Variants in FHAD1 observed in about 807,000 individuals in gnomAD.
FHAD1 encodes the protein forkhead associated phosphopeptide binding domain 1, also known as forkhead-associated domain-containing protein 1.
A neutral mutation model predicts 191.3 loss-of-function variants in FHAD1; 146 were observed. The observed-to-expected ratio is 0.76, with a 90% CI of 0.67 to 0.88. The LOEUF is 0.88. Among genes scored for constraint, FHAD1 ranks in the 40% least tolerant of loss-of-function variants. The pLI is 0.00. For missense variants in FHAD1, 1,635 were observed against 1,785.8 expected, an observed-to-expected ratio of 0.92 and a Z score of 1.52; for synonymous variants, 616 against 672.3, an observed-to-expected ratio of 0.92 and a Z score of 1.29.
At chr1:15,355,296 G>A (rs572079932) in intron 20 of FHAD1, among the ~76,000 whole-genome samples, 1 of 152,092 alleles carries the variant, frequency 6.6e-6, no homozygotes, top group African/African-American at 2.4e-5. Context: ...ACAGGACCCA[G>A]CCCAGGAATT....
chr1:15,369,404 A>G lies in FHAD1; in HGVS notation c.3349A>G (p.Thr1117Ala), dbSNP rs562002435. 3 of 1,551,994 alleles carry G rather than the reference A, an allele frequency of 1.9e-6. No homozygotes were observed. In the South Asian group the frequency reaches 3.6e-5, roughly 18 times the overall value. Reference sequence around the variant, plus strand: ...AGAGAAACACAGACTCCAGCTGAACACAGAGAAGGAACAGAAGCCCCGGAA... The same window carrying G: ...AGAGAAACACAGACTCCAGCTGAACGCAGAGAAGGAACAGAAGCCCCGGAA... ...SQEKHRLQLN[T>A]EKEQKPRKKT... Residue 1117 changes from threonine (T) to alanine (A), a missense_variant, in exon 26 of 34, where the codon ACA (threonine) becomes GCA (alanine). Thr to Ala is a moderately conservative substitution (Grantham distance 58, BLOSUM62 0). Transcript: ENST00000688493.
At chr1:15,345,230 T>C in intron 17 of FHAD1, 40 bp downstream of exon 17, 1 of 1,506,126 alleles carries the variant, frequency 6.6e-7, no homozygotes, top group African/African-American at 1.4e-5. Flanking sequence ...CGAGCCCCAC[T>C]GCAGCTAGGA....
At chr1:15,359,461 T>C (rs532060301) in intron 21 of FHAD1, among the ~76,000 whole-genome samples, 3 of 151,934 alleles carry the variant, frequency 2.0e-5, no homozygotes, top group Non-Finnish European at 4.4e-5. Flanking sequence ...GGTGCTGGGA[T>C]GGAAACGCCA....
intron 2 of FHAD1, among the ~76,000 whole-genome samples, chr1:15,257,580 C>CTG: frequency 6.6e-6 from 1 of 152,314 alleles, no homozygotes; most frequent in East Asian, 1.9e-4. Context: ...ACCAGGCGTC[C>CTG]TGCGCTCTGT....
chr1:15,304,841 C>G (rs778420220), intron 6 of FHAD1, among the ~76,000 whole-genome samples: 21 of 152,066 alleles, frequency 1.4e-4, no homozygotes, highest in Non-Finnish European at 2.5e-4. Flanking sequence ...CTTGATCCTT[C>G]TGTTAATTCT....
At chr1:15,348,852 C>T (rs1463738932) in intron 18 of FHAD1, among the ~76,000 whole-genome samples, 190 bp from the exon 19 acceptor site, 1 of 152,190 alleles carries the variant, frequency 6.6e-6, no homozygotes, top group East Asian at 1.9e-4. Context: ...TAAAATGGGC[C>T]ACTCTCAGCA....
At position 15,316,468 on chromosome 1, in the gene FHAD1, G is replaced by A. The variant is rs201462752; in HGVS notation, c.1260+1G>A. ...GAAAGAGTTAAAACTCTGCAAAACCGTGAGTTGAGCTTCCTCCTTTGTAGG... is the reference window on the plus strand; with the variant it reads ...GAAAGAGTTAAAACTCTGCAAAACCATGAGTTGAGCTTCCTCCTTTGTAGG... On this transcript the variant is annotated splice_donor_variant, in intron 9 of 33. Transcript: ENST00000688493. LOFTEE classifies it high-confidence loss of function. The surrounding 1 kb of genome is among the most constrained non-coding windows in gnomAD (Gnocchi z 4.3). 5,400 of 1,551,510 alleles carry A rather than the reference G, an allele frequency of 3.5e-3. 26 individuals are homozygous for A. The highest frequency in any genetic ancestry group is 0.025 in the Middle Eastern group (152 of 5,986).
intron 10 of FHAD1, among the ~76,000 whole-genome samples, chr1:15,319,624 C>A (rs776651039): frequency 2.6e-5 from 4 of 151,926 alleles, no homozygotes; most frequent in African/African-American, 9.7e-5. Flanking sequence ...TTAAAAAAAT[C>A]AAATATTCTT....
intron 22 of FHAD1, 81 bp downstream of exon 22, chr1:15,360,784 C>T (rs1337022638): frequency 1.3e-5 from 15 of 1,193,972 alleles, no homozygotes; most frequent in Non-Finnish European, 4.8e-6. Context: ...AGGCTGATGG[C>T]TAAGAAAAAG....
intron 2 of FHAD1, among the ~76,000 whole-genome samples, chr1:15,269,799 T>G (rs1655111894): frequency 6.6e-6 from 1 of 152,240 alleles, no homozygotes; most frequent in African/African-American, 2.4e-5. Flanking sequence ...TGTTTTTCTT[T>G]GCAGTTCTGT....
chr1:15,279,416 G>T (rs1307239264), intron 3 of FHAD1, among the ~76,000 whole-genome samples: 3 of 151,728 alleles, frequency 2.0e-5, no homozygotes, highest in African/African-American at 7.3e-5. Context: ...GGTGCTCAAG[G>T]GATGCTCAGG....
At chr1:15,374,035 G>A (rs1570404362) in intron 26 of FHAD1, among the ~76,000 whole-genome samples, 2 of 152,158 alleles carry the variant, frequency 1.3e-5, no homozygotes, top group African/African-American at 2.4e-5. Flanking sequence ...TCAGAGGAAG[G>A]TTTTCATTTC....
Position 15,327,115 on chromosome 1 carries a change from C to T in FHAD1, c.1530C>T (p.Phe510=), listed in dbSNP as rs1256302749. Reference sequence around the variant, plus strand: ...CCACCTATGGACGGGCGAAGCCGTTCCGGGACAAGCCCGTCACCGACCAAC... The same window carrying T: ...CCACCTATGGACGGGCGAAGCCGTTTCGGGACAAGCCCGTCACCGACCAAC... The part of the protein sequence containing the change: ...IKATYGRAKP[F]RDKPVTDQQL... Residue 510 remains phenylalanine, a synonymous_variant, in exon 12 of 34, where the codon TTC becomes TTT. Coordinates refer to ENST00000688493, the MANE Select transcript of FHAD1 (RefSeq NM_001391957.1). The surrounding 1 kb of genome is among the most constrained non-coding windows in gnomAD (Gnocchi z 5.1). The T allele has an allele frequency of 3.2e-6, 5 of 1,551,252 alleles. No individual in the cohort carries two copies. In the African/African-American group the frequency reaches 4.1e-5, roughly 13 times the overall value.
intron 31 of FHAD1, among the ~76,000 whole-genome samples, chr1:15,386,525 G>A (rs1395899732): frequency 2.0e-5 from 3 of 152,226 alleles, no homozygotes; most frequent in East Asian, 1.9e-4. Context: ...CCCGTTCTTC[G>A]GCCTTTGTTA....
chr1:15,239,954 C>A (rs1645170205), intron 1 of FHAD1, among the ~76,000 whole-genome samples: 1 of 152,204 alleles, frequency 6.6e-6, no homozygotes, highest in African/African-American at 2.4e-5. Context: ...GACATGTGCA[C>A]ATATGCATAC....
intron 2 of FHAD1, among the ~76,000 whole-genome samples, chr1:15,270,257 G>A (rs2101178385): frequency 6.6e-6 from 1 of 152,188 alleles, no homozygotes; most frequent in African/African-American, 2.4e-5. Flanking sequence ...AAACTGCCTT[G>A]GCCGCAGTTA....
chr1:15,368,106 G>C (rs1168716587), intron 25 of FHAD1, among the ~76,000 whole-genome samples: 1 of 152,042 alleles, frequency 6.6e-6, no homozygotes, highest in East Asian at 1.9e-4. Flanking sequence ...GGAGTCGCTG[G>C]GACTACAGGC....
intron 26 of FHAD1, among the ~76,000 whole-genome samples, chr1:15,374,035 G>T (rs1570404362): frequency 6.6e-6 from 1 of 152,158 alleles, no homozygotes; most frequent in Non-Finnish European, 1.5e-5. Context: ...TCAGAGGAAG[G>T]TTTTCATTTC....
At chr1:15,319,727 A>G (rs1402943239) in intron 10 of FHAD1, among the ~76,000 whole-genome samples, 1 of 152,252 alleles carries the variant, frequency 6.6e-6, no homozygotes, top group African/African-American at 2.4e-5. Context: ...CAGACCTGTG[A>G]TTGGTAAATA....
Sources: gnomAD v4.1 joint callset for allele counts (sites outside exome capture counted in the v4.1 genomes callset) on GRCh38, gnomAD v4.1.1 for gene constraint, Gnocchi (gnomAD v3.1) non-coding constraint, MANE v1.5 for transcripts, NCBI Gene and HGNC (gene_info 2026-07-23, HGNC 2026-07-21) for gene names.